The following DOCK8 variants were observed in gnomAD, a reference collection of about 807,000 sequenced individuals.
DOCK8 encodes the protein dedicator of cytokinesis 8.
A neutral mutation model predicts 245.6 loss-of-function variants in DOCK8; 141 were observed. That is an observed-to-expected ratio of 0.57 (90% CI 0.50 to 0.66). The LOEUF is 0.66. Among genes scored for constraint, DOCK8 ranks in the 30% least tolerant of loss-of-function variants. DOCK8 has a pLI of 0.00. For missense variants in DOCK8, 2,965 were observed against 2,603.4 expected, an observed-to-expected ratio of 1.14 and a Z score of -3.02; for synonymous variants, 1,168 against 970.2, an observed-to-expected ratio of 1.20 and a Z score of -3.79.
intron 2 of DOCK8, among the ~76,000 whole-genome samples, chr9:282,825 G>T (rs566677754): frequency 8.5e-5 from 13 of 152,132 alleles, no homozygotes; most frequent in Admixed American, 6.5e-4. Flanking sequence ...CTAGTTTTAC[G>T]GCTCATGTCA....
At chr9:440,642 C>T (rs2057065409) in intron 40 of DOCK8, among the ~76,000 whole-genome samples, 1 of 152,172 alleles carries the variant, frequency 6.6e-6, no homozygotes, top group Non-Finnish European at 1.5e-5. Context: ...AGAGGAGGAC[C>T]TCTGATGAAA....
chr9:254,434 C>T (rs769209313), intron 1 of DOCK8, among the ~76,000 whole-genome samples: 3 of 152,160 alleles, frequency 2.0e-5, no homozygotes, highest in South Asian at 4.1e-4. Context: ...TAGTCCAGTT[C>T]GTCCTACTTA....
At chr9:403,915 TACA>T (rs2055251392) in intron 26 of DOCK8, among the ~76,000 whole-genome samples, 1 of 81,266 alleles carries the variant, frequency 1.2e-5, no homozygotes. Flanking sequence ...TATATATATA[TACA>T]TATATATATA....
intron 12 of DOCK8, among the ~76,000 whole-genome samples, chr9:337,355 A>T (rs574980539): frequency 6.6e-6 from 1 of 152,344 alleles, no homozygotes; most frequent in East Asian, 1.9e-4. Context: ...CCTGGAATAC[A>T]GTAAGTGCTC....
At chr9:237,517 T>C (rs2047281953) in intron 1 of DOCK8, among the ~76,000 whole-genome samples, 1 of 152,154 alleles carries the variant, frequency 6.6e-6, no homozygotes, top group African/African-American at 2.4e-5. Context: ...TAGCCAGGCA[T>C]GGTGGCATGC....
At chr9:264,392 T>C (rs1241741524) in intron 1 of DOCK8, among the ~76,000 whole-genome samples, 1 of 152,256 alleles carries the variant, frequency 6.6e-6, no homozygotes, top group Admixed American at 6.5e-5. Flanking sequence ...AAACATAAGT[T>C]CCATGCCTTC....
chr9:343,808 A>T (rs2051729088), intron 14 of DOCK8, among the ~76,000 whole-genome samples: 2 of 152,334 alleles, frequency 1.3e-5, no homozygotes, highest in African/African-American at 4.8e-5. Context: ...TAATCGGGAA[A>T]CAATGCTTGT....
chr9:274,455 G>A (rs10429525), intron 2 of DOCK8, among the ~76,000 whole-genome samples: 53,236 of 149,818 alleles, frequency 0.36, 9,469 homozygotes, highest in South Asian at 0.45. Flanking sequence ...GAAGCCCAGA[G>A]GATTGAATTC....
intron 14 of DOCK8, among the ~76,000 whole-genome samples, chr9:350,885 C>T (rs2052133943): frequency 6.6e-6 from 1 of 152,120 alleles, no homozygotes; most frequent in Non-Finnish European, 1.5e-5. Flanking sequence ...AGCTGTGGAC[C>T]CCCGTCCTGT....
chr9:414,767 G>C lies in DOCK8; in HGVS notation c.3531-15G>C, dbSNP rs756191132. 7 of 1,614,134 alleles carry C rather than the reference G, an allele frequency of 4.3e-6. No individual in the cohort carries two copies. The highest frequency in any genetic ancestry group is 1.7e-5 in the Admixed American group (1 of 60,018). Reference sequence around the variant, plus strand: ...CTTTCACCATAACCTCTTGATTCCTGTGTTGTGCCAACAGAATCAGCAAAG... The same window carrying C: ...CTTTCACCATAACCTCTTGATTCCTCTGTTGTGCCAACAGAATCAGCAAAG... On this transcript the variant is annotated splice_polypyrimidine_tract_variant and intron_variant, in intron 28 of 47. Transcript: ENST00000432829.
At chr9:252,908 T>C (rs2047684094) in intron 1 of DOCK8, among the ~76,000 whole-genome samples, 1 of 152,184 alleles carries the variant, frequency 6.6e-6, no homozygotes, top group Non-Finnish European at 1.5e-5. Context: ...ATTGTCCTAA[T>C]CTAAGAAAAA....
At chr9:408,349 G>A (rs992327670) in intron 28 of DOCK8, among the ~76,000 whole-genome samples, 1 of 152,328 alleles carries the variant, frequency 6.6e-6, no homozygotes, top group Admixed American at 6.5e-5. Context: ...GCAGGATAGT[G>A]TGGGGAATCT....
upstream of DOCK8, among the ~76,000 whole-genome samples, chr9:211,272 C>T (rs548345955): frequency 4.1e-4 from 62 of 152,128 alleles, no homozygotes; most frequent in Non-Finnish European, 8.2e-4. Flanking sequence ...GGAGCACCGC[C>T]TGCTTTAGGG....
At chr9:408,320 T>C (rs1044478383) in intron 28 of DOCK8, among the ~76,000 whole-genome samples, 5 of 152,232 alleles carry the variant, frequency 3.3e-5, no homozygotes, top group African/African-American at 1.2e-4. Flanking sequence ...CTGAAGTGAC[T>C]CTATGTCTGC....
At chr9:344,081 T>A (rs1259679600) in intron 14 of DOCK8, among the ~76,000 whole-genome samples, 1 of 146,932 alleles carries the variant, frequency 6.8e-6, no homozygotes, top group Non-Finnish European at 1.5e-5. Flanking sequence ...ACAGAGTTAA[T>A]CTTCTTGAGC....
chr9:425,728 G>C (rs775486398), intron 33 of DOCK8, among the ~76,000 whole-genome samples: 2 of 145,550 alleles, frequency 1.4e-5, no homozygotes, highest in Non-Finnish European at 3.0e-5. Context: ...CTGCACTCTA[G>C]CCTGGGTGAT....
At chr9:275,623 C>G (rs1178867216) in intron 2 of DOCK8, among the ~76,000 whole-genome samples, 4 of 152,172 alleles carry the variant, frequency 2.6e-5, no homozygotes, top group Non-Finnish European at 5.9e-5. Flanking sequence ...GAGTCTCGCT[C>G]TGTCACCCAG....
intron 12 of DOCK8, among the ~76,000 whole-genome samples, chr9:337,447 G>A (rs1384592755): frequency 1.3e-5 from 2 of 152,004 alleles, no homozygotes; most frequent in African/African-American, 2.4e-5. Context: ...AACTATCTTG[G>A]CCAATCCATT....
chr9:282,589 T>TA (rs34430420), intron 2 of DOCK8, among the ~76,000 whole-genome samples: 17,933 of 145,540 alleles, frequency 0.12, 1,323 homozygotes, highest in Non-Finnish European at 0.18. Context: ...CATCTAACTT[T>TA]AAAAAAAAAA....
Sources: gnomAD v4.1 joint callset for allele counts (sites outside exome capture counted in the v4.1 genomes callset) on GRCh38, gnomAD v4.1.1 for gene constraint, MANE v1.5 for transcripts, NCBI Gene and HGNC (gene_info 2026-07-23, HGNC 2026-07-21) for gene names.